FMR1NB: variants seen among roughly 807,000 people sequenced by gnomAD.
The protein encoded by FMR1NB is FMR1 neighbor.
A neutral mutation model predicts 16.8 loss-of-function variants in FMR1NB; 10 were observed. The observed-to-expected ratio is 0.60, with a 90% CI of 0.37 to 1.01. The LOEUF (loss-of-function observed/expected upper bound fraction) is 1.01, where lower values mean the gene tolerates loss of function less well. FMR1NB is among the 50% of genes least tolerant of loss of function. The pLI is 0.01. For missense variants in FMR1NB, 205 were observed against 204.8 expected (o/e 1.00, Z 0.00); for synonymous variants, 83 against 79.1 (o/e 1.05, Z -0.26).
chrX:147,983,446 G>C (rs2044461274), intron 1 of FMR1NB, among the ~76,000 whole-genome samples: 1 of 112,408 alleles, frequency 8.9e-6, no homozygotes, highest in Non-Finnish European at 1.9e-5. Context: ...GAGTGAAATA[G>C]TATCTCTTTA....
intron 1 of FMR1NB, 76 bp from the exon 2 acceptor site, chrX:148,003,125 G>A: frequency 9.8e-7 from 1 of 1,016,619 alleles, no homozygotes; most frequent in Non-Finnish European, 1.3e-6. Context: ...TTAAGCAAAG[G>A]TAATTACCAT....
chrX:148,021,324 A>T lies in FMR1NB; in HGVS notation c.633-3541A>T, dbSNP rs147868916. 4.4e-3 allele frequency among the ~76,000 whole-genome samples: 481 copies of T among 109,688 alleles called. 3 individuals carry two copies. Among genetic ancestry groups the T allele is most frequent in the African/African-American group, 0.015 (464 of 30,103 alleles). On this transcript the variant is annotated intron_variant, in intron 4 of 5. Coordinates refer to ENST00000370467, the MANE Select transcript of FMR1NB (RefSeq NM_152578.3). Reference sequence around the variant, plus strand: ...GACTGTCTTTCCTACTCTCTTCAGTACTTCTTTCAGCTGTATGAAGTTAAA... The same window carrying T: ...GACTGTCTTTCCTACTCTCTTCAGTTCTTCTTTCAGCTGTATGAAGTTAAA...
intron 1 of FMR1NB, among the ~76,000 whole-genome samples, chrX:147,983,128 G>T (rs1347324028): frequency 9.0e-6 from 1 of 111,429 alleles, no homozygotes; most frequent in African/African-American, 3.3e-5. Context: ...TTCCATTGTA[G>T]GGATATACTA....
At chrX:147,987,035 A>G (rs1416876373) in intron 1 of FMR1NB, among the ~76,000 whole-genome samples, 1 of 110,709 alleles carries the variant, frequency 9.0e-6, no homozygotes, top group Non-Finnish European at 1.9e-5. Flanking sequence ...GAGGTCCTTC[A>G]TGTCCCTTGT....
chrX:148,016,759 T>C (rs1557190165), intron 4 of FMR1NB, among the ~76,000 whole-genome samples: 1 of 111,494 alleles, frequency 9.0e-6, no homozygotes, highest in Non-Finnish European at 1.9e-5. Context: ...TACCTCATAG[T>C]TTCATCCCCC....
At chrX:148,013,697 A>G (rs1392383422) in intron 4 of FMR1NB, among the ~76,000 whole-genome samples, 1 of 111,797 alleles carries the variant, frequency 8.9e-6, no homozygotes, top group Non-Finnish European at 1.9e-5. Flanking sequence ...CTTAATTCCA[A>G]ATCCTAAAAT....
At chrX:147,998,560 A>G (rs1368847023) in intron 1 of FMR1NB, among the ~76,000 whole-genome samples, 3 of 112,277 alleles carry the variant, frequency 2.7e-5, no homozygotes, top group African/African-American at 3.2e-5. Flanking sequence ...CTATGTAACA[A>G]ACCTGCACAT....
intron 1 of FMR1NB, among the ~76,000 whole-genome samples, chrX:147,993,595 CCT>C (rs1192433816): frequency 1.8e-5 from 2 of 110,680 alleles, no homozygotes; most frequent in African/African-American, 6.6e-5. Context: ...GCCCTTTTCT[CCT>C]CTCTTAAAGT....
At chrX:147,998,333 T>C (rs940632726) in intron 1 of FMR1NB, among the ~76,000 whole-genome samples, 1 of 111,612 alleles carries the variant, frequency 9.0e-6, no homozygotes, top group Non-Finnish European at 1.9e-5. Context: ...AAACCATCAT[T>C]CTCAGCAAAC....
At chrX:147,989,283 G>T (rs1456006668) in intron 1 of FMR1NB, among the ~76,000 whole-genome samples, 1 of 112,078 alleles carries the variant, frequency 8.9e-6, no homozygotes, top group Non-Finnish European at 1.9e-5. Flanking sequence ...GCTCTAGTTT[G>T]CTGGAGGTTC....
chrX:148,023,921 T>A (rs1352226678), intron 4 of FMR1NB, among the ~76,000 whole-genome samples: 2 of 111,485 alleles, frequency 1.8e-5, no homozygotes, highest in African/African-American at 6.5e-5. Flanking sequence ...CTGGTTCTAC[T>A]ACTGAGTAGT....
intron 5 of FMR1NB, among the ~76,000 whole-genome samples, chrX:148,026,294 AATG>A (rs2044703284): frequency 9.0e-6 from 1 of 111,676 alleles, no homozygotes; most frequent in South Asian, 3.7e-4. Context: ...TTATCTCTGT[AATG>A]ATATTTGCTC....
chrX:148,023,117 A>G, intron 4 of FMR1NB, among the ~76,000 whole-genome samples: 1 of 111,480 alleles, frequency 9.0e-6, no homozygotes, highest in Admixed American at 9.6e-5. Context: ...CCCCATGGGA[A>G]TGTCATGTAG....
chrX:148,009,572 A>G (rs2044613736), intron 4 of FMR1NB, among the ~76,000 whole-genome samples: 1 of 108,017 alleles, frequency 9.3e-6, no homozygotes, highest in Admixed American at 9.9e-5. Flanking sequence ...AGAGGTACAG[A>G]GCACAGTCAG....
intron 1 of FMR1NB, among the ~76,000 whole-genome samples, chrX:147,991,145 TTAC>T (rs1428603187): frequency 9.0e-6 from 1 of 111,249 alleles, no homozygotes; most frequent in African/African-American, 3.3e-5. Flanking sequence ...GAAAAAGTGC[TTAC>T]TTTTCTCACC....
chrX:148,025,082 A>G (rs1475018171), intron 5 of FMR1NB, 69 bp downstream of exon 5: 25 of 1,101,058 alleles, frequency 2.3e-5, no homozygotes, highest in Non-Finnish European at 3.0e-5. Flanking sequence ...TATTTCTACC[A>G]TCATCTTGGC....
Position 147,982,522 on chromosome X carries a change from G to A in FMR1NB, c.277+843G>A, listed in dbSNP as rs782175652. On this transcript the variant is annotated intron_variant, in intron 1 of 5. Transcript: ENST00000370467. Reference sequence around the variant, plus strand: ...GAGAATTGCTTGAACCCGGGAGGCGGAGGTTGCAGTGAGCTGAGATCGCAC... The same window carrying A: ...GAGAATTGCTTGAACCCGGGAGGCGAAGGTTGCAGTGAGCTGAGATCGCAC... Among the ~76,000 whole-genome samples, 8 of 104,762 alleles carry A rather than the reference G, an allele frequency of 7.6e-5. No individual in the cohort carries two copies. In the East Asian group the frequency reaches 2.1e-3, roughly 28 times the overall value. The allele number at this position is 104,762 out of a possible 115,157, so 91.0% of individuals were successfully genotyped here. A position where few individuals can be genotyped will look rare whatever the true frequency, so the allele number is the denominator to read the frequency against.
chrX:148,009,944 A>C (rs1478908055), intron 4 of FMR1NB, among the ~76,000 whole-genome samples: 1 of 112,244 alleles, frequency 8.9e-6, no homozygotes, highest in African/African-American at 3.2e-5. Flanking sequence ...TAAACCATGA[A>C]TAACAATAAA....
chrX:148,002,765 G>A (rs1277699844), intron 1 of FMR1NB, among the ~76,000 whole-genome samples: 1 of 112,161 alleles, frequency 8.9e-6, no homozygotes, highest in African/African-American at 3.2e-5. Flanking sequence ...TTAAAATAGT[G>A]AGAAAGAAGG....
Sources: allele counts gnomAD v4.1 joint callset (sites outside exome capture counted in the v4.1 genomes callset), GRCh38; gene constraint gnomAD v4.1.1; transcripts MANE v1.5; gene names NCBI Gene and HGNC (gene_info 2026-07-23, HGNC 2026-07-21).